Variants in PDE1A observed in about 807,000 individuals in gnomAD.
PDE1A encodes dual specificity calcium/calmodulin-dependent 3',5'-cyclic nucleotide phosphodiesterase 1A.
PDE1A carries 35 observed loss-of-function variants against 61.7 expected under a neutral mutation model. That is an observed-to-expected ratio of 0.57 (90% CI 0.43 to 0.75). PDE1A has a LOEUF of 0.75. PDE1A is among the 30% of genes least tolerant of loss of function. The pLI is 0.00. For missense variants in PDE1A, 597 were observed against 630.6 expected (o/e 0.95, Z 0.57); for synonymous variants, 232 against 213.2 (o/e 1.09, Z -0.77).
At chr2:182,666,310 CAT>C in the PDE1A span, among the ~76,000 whole-genome samples, 1 of 152,140 alleles carries the variant, frequency 6.6e-6, no homozygotes, top group African/African-American at 2.4e-5. Flanking sequence ...AAGATTACTA[CAT>C]GTTTTAAAAA....
At chr2:182,253,095 A>T (rs1691519425) in intron 2 of PDE1A, among the ~76,000 whole-genome samples, 1 of 152,190 alleles carries the variant, frequency 6.6e-6, no homozygotes, top group African/African-American at 2.4e-5. Context: ...ATGGGAAACT[A>T]GATTATGAAT....
chr2:182,323,059 G>C (rs1481212973), intron 1 of PDE1A, among the ~76,000 whole-genome samples: 1 of 152,044 alleles, frequency 6.6e-6, no homozygotes, highest in Non-Finnish European at 1.5e-5. Flanking sequence ...CTCATAAAAA[G>C]TTGTCTGCTG....
At chr2:182,155,978 A>C (rs1433195919) in intron 13 of PDE1A, among the ~76,000 whole-genome samples, 5 of 152,186 alleles carry the variant, frequency 3.3e-5, no homozygotes, top group Non-Finnish European at 5.9e-5. Flanking sequence ...TGCTGTTCTC[A>C]TGGTAGTGAA....
the PDE1A span, among the ~76,000 whole-genome samples, chr2:182,676,045 G>T: frequency 5.9e-5 from 9 of 152,080 alleles, no homozygotes; most frequent in African/African-American, 1.9e-4. Context: ...TGTTCAGGAT[G>T]GTAGTGCCTA....
chr2:182,223,604 G>C (rs186233358), intron 7 of PDE1A, among the ~76,000 whole-genome samples: 7 of 152,060 alleles, frequency 4.6e-5, no homozygotes, highest in African/African-American at 1.7e-4. Flanking sequence ...CACAGTGTAA[G>C]TTCTGGGCAG....
chr2:182,182,057 G>A (rs1684810424), intron 13 of PDE1A, among the ~76,000 whole-genome samples: 1 of 152,126 alleles, frequency 6.6e-6, no homozygotes, highest in Non-Finnish European at 1.5e-5. Context: ...CAATGCTGCT[G>A]TGAATATTTT....
intron 1 of PDE1A, among the ~76,000 whole-genome samples, chr2:182,413,077 G>A (rs1159974822): frequency 6.6e-6 from 1 of 152,140 alleles, no homozygotes; most frequent in Non-Finnish European, 1.5e-5. Flanking sequence ...GGCTTAGGAA[G>A]GGAAGCGTAA....
At chr2:182,218,878 T>G (rs1030283290) in intron 7 of PDE1A, among the ~76,000 whole-genome samples, 106 of 152,132 alleles carry the variant, frequency 7.0e-4, no homozygotes, top group Non-Finnish European at 1.3e-3. Flanking sequence ...TGTTTATGGC[T>G]TTTCCTTCTG....
the PDE1A span, among the ~76,000 whole-genome samples, chr2:182,618,844 T>C: frequency 6.6e-6 from 1 of 152,108 alleles, no homozygotes; most frequent in Non-Finnish European, 1.5e-5. Context: ...CTTGTGTTTG[T>C]TAAATAAATG....
chr2:182,310,803 T>C (rs1264006470), intron 1 of PDE1A, among the ~76,000 whole-genome samples: 4 of 152,200 alleles, frequency 2.6e-5, no homozygotes, highest in Non-Finnish European at 5.9e-5. Context: ...TTCCTTCTTC[T>C]AGGAACCCAG....
intron 7 of PDE1A, among the ~76,000 whole-genome samples, chr2:182,212,198 A>G (rs531342360): frequency 8.3e-6 from 1 of 120,738 alleles, no homozygotes. Flanking sequence ...AATTAAAATT[A>G]TATATATTAC....
chr2:182,415,075 A>G (rs192292838), intron 1 of PDE1A, among the ~76,000 whole-genome samples: 1 of 152,242 alleles, frequency 6.6e-6, no homozygotes, highest in Non-Finnish European at 1.5e-5. Context: ...GTTCTACCCT[A>G]CAGATAGAAG....
intron 8 of PDE1A, among the ~76,000 whole-genome samples, chr2:182,204,955 A>G (rs928322602): frequency 1.3e-5 from 2 of 152,358 alleles, no homozygotes; most frequent in Non-Finnish European, 2.9e-5. Flanking sequence ...AAAATTTGAA[A>G]AAGTGTTCAC....
At chr2:182,532,481 C>A in the PDE1A span, among the ~76,000 whole-genome samples, 1 of 152,074 alleles carries the variant, frequency 6.6e-6, no homozygotes, top group Non-Finnish European at 1.5e-5. Flanking sequence ...AAAGGCAAAT[C>A]TAGAGAGTCA....
chr2:182,310,297 T>C (rs1401612888), intron 1 of PDE1A, among the ~76,000 whole-genome samples: 1 of 152,190 alleles, frequency 6.6e-6, no homozygotes, highest in Admixed American at 6.6e-5. Flanking sequence ...AACTTATTAA[T>C]ATCTTCTCTT....
At chr2:182,235,297 C>G (rs1274715242) in intron 3 of PDE1A, among the ~76,000 whole-genome samples, 1 of 152,132 alleles carries the variant, frequency 6.6e-6, no homozygotes, top group Non-Finnish European at 1.5e-5. Context: ...GCATGCGCCA[C>G]CATGCCCAAC....
chr2:182,407,370 T>G (rs1212135325), intron 1 of PDE1A, among the ~76,000 whole-genome samples: 1 of 150,796 alleles, frequency 6.6e-6, no homozygotes, highest in Non-Finnish European at 1.5e-5. Context: ...TCCTTCAACA[T>G]ACTTTATTAT....
chr2:182,208,720 C>T (rs1486484401), intron 7 of PDE1A, among the ~76,000 whole-genome samples: 2 of 152,164 alleles, frequency 1.3e-5, no homozygotes, highest in Non-Finnish European at 2.9e-5. Flanking sequence ...CATCAGCATA[C>T]CCTGAATATG....
At chr2:182,462,779 G>C (rs1686393611) in intron 2 of PDE1A, among the ~76,000 whole-genome samples, 3 of 151,916 alleles carry the variant, frequency 2.0e-5, no homozygotes, top group Admixed American at 6.6e-5. Context: ...TAAAAATTCA[G>C]AATAAAAATA....
Sources: gnomAD v4.1 joint callset for allele counts (sites outside exome capture counted in the v4.1 genomes callset) on GRCh38, gnomAD v4.1.1 for gene constraint, MANE v1.5 for transcripts, NCBI Gene and HGNC (gene_info 2026-07-23, HGNC 2026-07-21) for gene names.